Variants in GPALPP1 observed in about 807,000 individuals in gnomAD.
GPALPP1 encodes GPALPP motifs containing 1, also known as GPALPP motifs-containing protein 1.
GPALPP1 carries 30 observed loss-of-function variants against 38.9 expected under a neutral mutation model. That is an observed-to-expected ratio of 0.77 (90% CI 0.58 to 1.05). GPALPP1 has a LOEUF of 1.05. Ranked by LOEUF, GPALPP1 falls within the 50% of genes least tolerant of loss-of-function variation. The pLI, the probability that GPALPP1 is intolerant of heterozygous loss-of-function variation, is 0.00. For missense variants in GPALPP1, 384 were observed against 408.8 expected (o/e 0.94, Z 0.52); for synonymous variants, 120 against 139.2 (o/e 0.86, Z 0.97).
chr13:45,020,776 A>G (rs1433247600), intron 7 of GPALPP1, among the ~76,000 whole-genome samples: 1 of 151,234 alleles, frequency 6.6e-6, no homozygotes, highest in African/African-American at 2.4e-5. Flanking sequence ...TGCACTTTTT[A>G]TACATCTATC....
exon 8 of GPALPP1, chr13:45,035,840 G>T (rs891787684): frequency 6.6e-6 from 1 of 152,078 alleles, no homozygotes; most frequent in African/African-American, 2.4e-5. Context: ...AATTATCCCA[G>T]GCCATTCTTT....
Position 45,006,219 on chromosome 13 carries a change from A to G in GPALPP1, c.239A>G (p.Gln80Arg). 6.2e-7 allele frequency: 1 copy of G among 1,605,282 alleles called. No individual in the cohort carries two copies. Among genetic ancestry groups the G allele is most frequent in the Non-Finnish European group, 8.5e-7 (1 of 1,175,312 alleles). ...GTTTTCAGAAAACAGAGGAAAAATCAGGATGATGACGATGATGATGATGAT... is the reference window on the plus strand; with the variant it reads ...GTTTTCAGAAAACAGAGGAAAAATCGGGATGATGACGATGATGATGATGAT... The part of the protein sequence containing the change: ...GPTARKQRKN[Q>R]DDDDDDDDGF... The change falls in exon 3 of 8, where the codon CAG (glutamine) becomes CGG (arginine). Residue 80 changes from glutamine to arginine, a missense_variant. Coordinates refer to ENST00000379151, the MANE Select transcript of GPALPP1 (RefSeq NM_018559.5).
At position 45,015,431 on chromosome 13, in the gene GPALPP1, G is replaced by T; in HGVS notation, c.541-1G>T. On this transcript the variant is annotated splice_acceptor_variant, in intron 5 of 7. Transcript: ENST00000379151. LOFTEE classifies it high-confidence loss of function. Reference sequence around the variant, plus strand: ...TGCTGTGTTTTTTTTTTCTCTTAAAGGATTCATCTAAACCCATTGTAAGAG... The same window carrying T: ...TGCTGTGTTTTTTTTTTCTCTTAAATGATTCATCTAAACCCATTGTAAGAG... 6.5e-7 allele frequency: 1 copy of T among 1,545,624 alleles called. No individual in the cohort carries two copies. The highest frequency in any genetic ancestry group is 8.7e-7 in the Non-Finnish European group (1 of 1,147,266).
intron 6 of GPALPP1, 105 bp from the exon 7 acceptor site, chr13:45,020,225 C>A: frequency 1.8e-6 from 1 of 553,702 alleles, no homozygotes; most frequent in Non-Finnish European, 3.2e-6. Flanking sequence ...ACAAACCTGG[C>A]TTAGTTGTGT....
At chr13:44,994,002 T>A (rs1232292675) in intron 1 of GPALPP1, among the ~76,000 whole-genome samples, 3 of 149,128 alleles carry the variant, frequency 2.0e-5, no homozygotes, top group Non-Finnish European at 4.5e-5. Context: ...TTTGGGAAGC[T>A]GAGGCAGGCA....
downstream of GPALPP1, chr13:45,032,183 A>G (rs1876230646): frequency 6.6e-6 from 1 of 152,152 alleles, no homozygotes; most frequent in South Asian, 2.1e-4. Context: ...GATGGTGGCT[A>G]CACCCCTACT....
chr13:45,018,065 T>C (rs1165147351), intron 6 of GPALPP1, among the ~76,000 whole-genome samples: 2 of 152,214 alleles, frequency 1.3e-5, no homozygotes, highest in Non-Finnish European at 2.9e-5. Flanking sequence ...CTCATACCTC[T>C]ACTGTTCTCA....
Position 45,004,407 on chromosome 13 carries a change from C to G in GPALPP1, c.191C>G (p.Ser64Cys). The change falls in exon 2 of 8, where the codon TCT becomes TGT. Residue 64 changes from serine (S) to cysteine (C), a missense_variant. Transcript: ENST00000379151. ...TTGTACGAAGAAGGAAATCAAGAAT[C>G]TGAAGAAGATGACAGTGGTCCAACT... ...SSLYEEGNQE[S>C]EEDDSGPTAR... The G allele has an allele frequency of 6.2e-7, 1 of 1,610,116 alleles. No individual in the cohort carries two copies. The highest frequency in any genetic ancestry group is 8.5e-7 in the Non-Finnish European group (1 of 1,176,500).
intron 1 of GPALPP1, among the ~76,000 whole-genome samples, chr13:45,000,109 C>G (rs143443558): frequency 6.6e-6 from 1 of 152,002 alleles, no homozygotes; most frequent in East Asian, 1.9e-4. Flanking sequence ...CTTTAAAAAT[C>G]CATGGCAATT....
At chr13:45,000,077 A>G (rs2137960237) in intron 1 of GPALPP1, among the ~76,000 whole-genome samples, 1 of 152,264 alleles carries the variant, frequency 6.6e-6, no homozygotes, top group South Asian at 2.1e-4. Context: ...ATCTTTTTAA[A>G]AAATGTATAT....
At chr13:45,011,671 G>A (rs1318282043) in intron 4 of GPALPP1, among the ~76,000 whole-genome samples, 2 of 152,160 alleles carry the variant, frequency 1.3e-5, no homozygotes, top group Non-Finnish European at 2.9e-5. Context: ...GGGGATTATG[G>A]GAACTGCAAT....
exon 8 of GPALPP1, chr13:45,037,209 C>T (rs1876419790): frequency 6.6e-6 from 1 of 152,106 alleles, no homozygotes; most frequent in South Asian, 2.1e-4. Flanking sequence ...AGTATTTAGT[C>T]CTAGTTTTAT....
chr13:44,994,521 T>G lies in GPALPP1; in HGVS notation c.88+4779T>G, dbSNP rs1873104702. ...TGAATTACCTGGTCTTCTCTGTTCCTGCTGCCTACCATGTCCCATCCTACC... is the reference window on the plus strand; with the variant it reads ...TGAATTACCTGGTCTTCTCTGTTCCGGCTGCCTACCATGTCCCATCCTACC... On this transcript the variant is annotated intron_variant, in intron 1 of 7. Transcript: ENST00000379151. Among the ~76,000 whole-genome samples, 3 of 152,162 alleles carry G rather than the reference T, an allele frequency of 2.0e-5. No homozygotes were observed. In the South Asian group the frequency reaches 6.2e-4, roughly 31 times the overall value.
intron 1 of GPALPP1, among the ~76,000 whole-genome samples, chr13:45,003,575 TC>T (rs758699845): frequency 2.0e-5 from 3 of 152,182 alleles, no homozygotes; most frequent in Non-Finnish European, 4.4e-5. Flanking sequence ...CTATTTAGGA[TC>T]AACCTGGACA....
At chr13:45,016,347 G>A (rs1418098995) in intron 6 of GPALPP1, among the ~76,000 whole-genome samples, 1 of 152,026 alleles carries the variant, frequency 6.6e-6, no homozygotes, top group East Asian at 1.9e-4. Flanking sequence ...CCAGCTACTT[G>A]GAAAGCTGAG....
At chr13:45,018,964 T>C (rs1435424780) in intron 6 of GPALPP1, among the ~76,000 whole-genome samples, 1 of 62,382 alleles carries the variant, frequency 1.6e-5, no homozygotes, top group African/African-American at 6.1e-5. Context: ...CATATAAATA[T>C]ATATACATAT....
chr13:45,020,596 A>G (rs563475588), intron 7 of GPALPP1, among the ~76,000 whole-genome samples, 168 bp downstream of exon 7: 6 of 151,800 alleles, frequency 4.0e-5, no homozygotes, highest in Non-Finnish European at 7.4e-5. Context: ...AAATTAGCCA[A>G]CTGAGTTGGG....
chr13:45,006,857 G>C (rs1164308767), intron 3 of GPALPP1, among the ~76,000 whole-genome samples: 1 of 151,962 alleles, frequency 6.6e-6, no homozygotes, highest in African/African-American at 2.4e-5. Context: ...ATGGAGCCTG[G>C]CACAGAGTAA....
chr13:45,018,334 T>C (rs1238360939), intron 6 of GPALPP1, among the ~76,000 whole-genome samples: 1 of 151,710 alleles, frequency 6.6e-6, no homozygotes, highest in Non-Finnish European at 1.5e-5. Flanking sequence ...GAGGCAGAGC[T>C]TGCAGTGAGC....
Sources: gnomAD v4.1 joint callset for allele counts (sites outside exome capture counted in the v4.1 genomes callset) on GRCh38, gnomAD v4.1.1 for gene constraint, MANE v1.5 for transcripts, NCBI Gene and HGNC (gene_info 2026-07-23, HGNC 2026-07-21) for gene names.